Variants in ATP8B4 observed in about 807,000 individuals in gnomAD.
The protein encoded by ATP8B4 is probable phospholipid-transporting ATPase IM.
A neutral mutation model predicts 145.6 loss-of-function variants in ATP8B4; 133 were observed. The ratio of observed to expected loss-of-function variants is 0.91; its 90% CI spans 0.79 to 1.05. ATP8B4 has a LOEUF of 1.05. Ranked by LOEUF, ATP8B4 falls within the 50% of genes least tolerant of loss-of-function variation. The pLI, the probability that ATP8B4 is intolerant of heterozygous loss-of-function variation, is 0.00. For missense variants in ATP8B4, 1,458 were observed against 1,425.2 expected (o/e 1.02, Z -0.37); for synonymous variants, 507 against 492.9 (o/e 1.03, Z -0.38).
At chr15:50,110,390 T>A (rs1211488294) in intron 1 of ATP8B4, among the ~76,000 whole-genome samples, 2 of 152,218 alleles carry the variant, frequency 1.3e-5, no homozygotes, top group African/African-American at 2.4e-5. Context: ...CTGTCATTCT[T>A]GCAAATTTAT....
chr15:49,874,489 TGAG>T (rs1415047171), intron 25 of ATP8B4, among the ~76,000 whole-genome samples: 2 of 152,082 alleles, frequency 1.3e-5, no homozygotes, highest in African/African-American at 2.4e-5. Context: ...CTATTGTCCT[TGAG>T]GAGATGGAAG....
At chr15:50,083,912 G>C (rs1431397592) in intron 2 of ATP8B4, among the ~76,000 whole-genome samples, 1 of 152,204 alleles carries the variant, frequency 6.6e-6, no homozygotes, top group Non-Finnish European at 1.5e-5. Flanking sequence ...ACAAGACAAT[G>C]ATTGCCTTCA....
intron 1 of ATP8B4, among the ~76,000 whole-genome samples, chr15:50,156,088 A>ATTTGT (rs2044409725): frequency 2.9e-4 from 1 of 3,508 alleles, no homozygotes; most frequent in African/African-American, 4.4e-4. Context: ...ATATATATAT[A>ATTTGT]TATAAATATA....
chr15:50,125,274 C>T (rs1318512717), intron 1 of ATP8B4, among the ~76,000 whole-genome samples: 1 of 152,180 alleles, frequency 6.6e-6, no homozygotes, highest in East Asian at 1.9e-4. Context: ...TTAACACTCA[C>T]TCCAGCCCCA....
chr15:50,174,352 CTG>C (rs777732905), intron 1 of ATP8B4, among the ~76,000 whole-genome samples: 15 of 152,094 alleles, frequency 9.9e-5, no homozygotes, highest in Non-Finnish European at 1.5e-4. Context: ...GGAAGGCAAA[CTG>C]TCACTGTTTG....
chr15:50,089,024 G>C (rs1364598493), intron 2 of ATP8B4, among the ~76,000 whole-genome samples: 1 of 152,116 alleles, frequency 6.6e-6, no homozygotes, highest in African/African-American at 2.4e-5. Flanking sequence ...ACAAGCAATG[G>C]GGAAAGGATT....
chr15:49,979,433 G>A (rs2045967378), intron 12 of ATP8B4, among the ~76,000 whole-genome samples, 184 bp downstream of exon 12: 1 of 152,154 alleles, frequency 6.6e-6, no homozygotes, highest in Non-Finnish European at 1.5e-5. Flanking sequence ...CGCATTTATT[G>A]TAATTTGAAA....
intron 3 of ATP8B4, among the ~76,000 whole-genome samples, chr15:50,048,169 A>G (rs2051872037): frequency 1.3e-5 from 2 of 152,082 alleles, no homozygotes; most frequent in African/African-American, 4.8e-5. Flanking sequence ...AGAGCTAGAC[A>G]TTAACAGGAG....
intron 7 of ATP8B4, among the ~76,000 whole-genome samples, chr15:50,006,872 A>G (rs1480587598): frequency 6.6e-6 from 1 of 152,182 alleles, no homozygotes; most frequent in Non-Finnish European, 1.5e-5. Context: ...AGTGAAGGAG[A>G]AAGGTACACC....
intron 2 of ATP8B4, among the ~76,000 whole-genome samples, chr15:50,076,337 C>T (rs895890870): frequency 1.3e-5 from 2 of 151,886 alleles, no homozygotes; most frequent in Non-Finnish European, 2.9e-5. Flanking sequence ...ACTAAAAATA[C>T]AAAAATTAGC....
At chr15:50,167,600 G>A (rs1214397498) in intron 1 of ATP8B4, among the ~76,000 whole-genome samples, 8 of 152,140 alleles carry the variant, frequency 5.3e-5, no homozygotes, top group Non-Finnish European at 1.2e-4. Context: ...CACATTCACA[G>A]GCTCTGGGTA....
intron 14 of ATP8B4, among the ~76,000 whole-genome samples, chr15:49,937,140 A>G (rs2041807316): frequency 6.6e-6 from 1 of 152,130 alleles, no homozygotes; most frequent in African/African-American, 2.4e-5. Flanking sequence ...TCTCACATTT[A>G]TCACAGAAAT....
chr15:50,139,502 T>C (rs2044179025), intron 1 of ATP8B4, among the ~76,000 whole-genome samples: 1 of 152,158 alleles, frequency 6.6e-6, no homozygotes, highest in Non-Finnish European at 1.5e-5. Context: ...GCTTAAAACC[T>C]AGATGACGGG....
Position 49,987,564 on chromosome 15 carries a change from A to T in ATP8B4, c.590-15T>A. On this transcript the variant is annotated splice_polypyrimidine_tract_variant and intron_variant, in intron 9 of 27. Transcript: ENST00000284509. ...GACAACAATCCCTGGAAAATAAAAAAACAAAACAAACCTCTTTATGACTCA... is the reference window on the plus strand; with the variant it reads ...GACAACAATCCCTGGAAAATAAAAATACAAAACAAACCTCTTTATGACTCA... 6.2e-7 allele frequency: 1 copy of T among 1,608,580 alleles called. No homozygotes were observed. The highest frequency in any genetic ancestry group is 8.5e-7 in the Non-Finnish European group (1 of 1,178,066).
chr15:49,908,194 T>C, intron 20 of ATP8B4: 1 of 439,786 alleles, frequency 2.3e-6, no homozygotes, highest in South Asian at 1.6e-5. Context: ...AACAGGCTTA[T>C]TAAAATCTAG....
At chr15:49,903,930 T>C (rs1483748604) in intron 20 of ATP8B4, among the ~76,000 whole-genome samples, 1 of 151,944 alleles carries the variant, frequency 6.6e-6, no homozygotes, top group East Asian at 1.9e-4. Flanking sequence ...GGAAATGGAT[T>C]GAAACCATGA....
chr15:50,088,048 T>C (rs1316995659), intron 2 of ATP8B4, among the ~76,000 whole-genome samples: 2 of 152,138 alleles, frequency 1.3e-5, no homozygotes. Context: ...ATTTTTATTA[T>C]ACCTGATTTT....
chr15:50,111,491 T>C (rs1333982872), intron 1 of ATP8B4, among the ~76,000 whole-genome samples: 4 of 152,252 alleles, frequency 2.6e-5, no homozygotes, highest in Non-Finnish European at 5.9e-5. Flanking sequence ...TATTGAATTA[T>C]GGTCCAAAGT....
At chr15:49,919,505 C>G (rs1376033482) in intron 18 of ATP8B4, among the ~76,000 whole-genome samples, 4 of 152,146 alleles carry the variant, frequency 2.6e-5, no homozygotes, top group Non-Finnish European at 5.9e-5. Context: ...GCAAGCTCCG[C>G]CTCCCGGGTT....
Sources: allele counts gnomAD v4.1 joint callset (sites outside exome capture counted in the v4.1 genomes callset), GRCh38; gene constraint gnomAD v4.1.1; transcripts MANE v1.5; gene names NCBI Gene and HGNC (gene_info 2026-07-23, HGNC 2026-07-21).